MARCHF1: variants seen among roughly 807,000 people sequenced by gnomAD.
The protein encoded by MARCHF1 is membrane associated ring-CH-type finger 1.
A neutral mutation model predicts 54.2 loss-of-function variants in MARCHF1; 40 were observed. That is an observed-to-expected ratio of 0.74 (90% CI 0.57 to 0.96). The LOEUF is 0.96. MARCHF1 is among the 40% of genes least tolerant of loss of function. The pLI is 0.00. For synonymous variants in MARCHF1, 236 were observed against 236.3 expected (o/e 1.00, Z 0.01); for missense variants, 586 against 656.5 (o/e 0.89, Z 1.17).
At chr4:163,852,831 T>A in intron 4 of MARCHF1, among the ~76,000 whole-genome samples, 1 of 152,180 alleles carries the variant, frequency 6.6e-6, no homozygotes, top group East Asian at 1.9e-4. Context: ...CCAAAATTCA[T>A]GTCAAAATCC....
chr4:164,132,589 C>T (rs971059635), intron 1 of MARCHF1, among the ~76,000 whole-genome samples: 2 of 152,118 alleles, frequency 1.3e-5, no homozygotes, highest in African/African-American at 4.8e-5. Flanking sequence ...TTTAAGCGCA[C>T]ATTTTTCCCC....
At chr4:164,118,995 T>A (rs113899701) in intron 1 of MARCHF1, among the ~76,000 whole-genome samples, 11 of 137,910 alleles carry the variant, frequency 8.0e-5, no homozygotes, top group African/African-American at 2.1e-4. Context: ...GTGGGAAAAA[T>A]TTATTAAAAT....
intron 3 of MARCHF1, among the ~76,000 whole-genome samples, chr4:163,878,299 A>G (rs1295760453): frequency 1.3e-5 from 2 of 152,236 alleles, no homozygotes; most frequent in Non-Finnish European, 2.9e-5. Flanking sequence ...TATGATAAAA[A>G]GGATATTTGC....
chr4:164,154,058 G>T (rs930532175), intron 1 of MARCHF1, among the ~76,000 whole-genome samples: 2 of 152,010 alleles, frequency 1.3e-5, no homozygotes, highest in African/African-American at 4.8e-5. Flanking sequence ...CATATTTTGG[G>T]TTATATATGT....
At chr4:163,700,666 A>G in intron 5 of MARCHF1, 147 bp downstream of exon 5, 1 of 602,812 alleles carries the variant, frequency 1.7e-6, no homozygotes, top group Non-Finnish European at 2.9e-6. Context: ...TTCTTATTAC[A>G]GTAAAAGCTT....
intron 5 of MARCHF1, among the ~76,000 whole-genome samples, chr4:163,653,662 G>C (rs1296310970): frequency 6.6e-6 from 1 of 151,678 alleles, no homozygotes; most frequent in Non-Finnish European, 1.5e-5. Flanking sequence ...AGGAGAAAAA[G>C]AAAGGAAAGA....
rs1732065161 is a variant in MARCHF1 at position 164,220,493 on chromosome 4, C to T, written c.-322-108831G>A. On this transcript the variant is annotated intron_variant, in intron 1 of 9. Transcript: ENST00000514618. Reference sequence around the variant, plus strand: ...TATGGAATATATATGGGAGCATATACACATATGGGAATGGCATATATATGT... The same window carrying T: ...TATGGAATATATATGGGAGCATATATACATATGGGAATGGCATATATATGT... 4.8e-5 allele frequency among the ~76,000 whole-genome samples: 7 copies of T among 144,382 alleles called. No homozygotes were observed. In the South Asian group the frequency reaches 8.5e-4, roughly 18 times the overall value. The allele number at this position is 144,382 out of a possible 152,430, so 94.7% of individuals were successfully genotyped here. A position where few individuals can be genotyped will look rare whatever the true frequency, so the allele number is the denominator to read the frequency against.
chr4:163,537,064 C>A (rs1318756447), intron 9 of MARCHF1, among the ~76,000 whole-genome samples: 3 of 152,126 alleles, frequency 2.0e-5, no homozygotes, highest in Non-Finnish European at 2.9e-5. Context: ...TAACAGACAG[C>A]CAGCTCTTTT....
At chr4:164,173,617 G>A (rs924325802) in intron 1 of MARCHF1, among the ~76,000 whole-genome samples, 1 of 152,150 alleles carries the variant, frequency 6.6e-6, no homozygotes, top group Non-Finnish European at 1.5e-5. Context: ...TCACAGTAAT[G>A]TATGAGTTCT....
intron 1 of MARCHF1, among the ~76,000 whole-genome samples, chr4:164,125,651 A>G (rs1204343451): frequency 1.3e-5 from 2 of 152,196 alleles, no homozygotes; most frequent in Non-Finnish European, 2.9e-5. Flanking sequence ...TGGATCTGCT[A>G]TACCAGGGAT....
intron 4 of MARCHF1, among the ~76,000 whole-genome samples, chr4:163,740,176 A>C (rs543678255): frequency 2.6e-4 from 40 of 152,272 alleles, no homozygotes; most frequent in African/African-American, 7.9e-4. Flanking sequence ...ACCTATCTCC[A>C]TCCCCTGTCC....
intron 2 of MARCHF1, among the ~76,000 whole-genome samples, chr4:164,111,101 A>G (rs965374736): frequency 6.6e-6 from 1 of 151,888 alleles, no homozygotes; most frequent in Non-Finnish European, 1.5e-5. Flanking sequence ...CATATAGTGC[A>G]TATCTCATCA....
chr4:164,029,423 C>A (rs1468841752), intron 2 of MARCHF1, among the ~76,000 whole-genome samples: 1 of 151,950 alleles, frequency 6.6e-6, no homozygotes, highest in Non-Finnish European at 1.5e-5. Flanking sequence ...AAATCTGCCC[C>A]CATGATCCAA....
intron 5 of MARCHF1, among the ~76,000 whole-genome samples, chr4:163,697,902 T>C (rs1329876107): frequency 1.3e-5 from 2 of 152,212 alleles, no homozygotes; most frequent in African/African-American, 2.4e-5. Context: ...CTAGAAAACA[T>C]TGCATATATT....
intron 5 of MARCHF1, among the ~76,000 whole-genome samples, chr4:163,630,909 G>A (rs1038217965): frequency 6.6e-6 from 1 of 151,760 alleles, no homozygotes; most frequent in African/African-American, 2.4e-5. Flanking sequence ...AAAGAAGGAA[G>A]ATGAAAGAAT....
At chr4:164,166,416 T>A (rs1730383019) in intron 1 of MARCHF1, among the ~76,000 whole-genome samples, 1 of 152,046 alleles carries the variant, frequency 6.6e-6, no homozygotes, top group African/African-American at 2.4e-5. Context: ...TGAGGGTTTT[T>A]AGAAGACTTT....
At chr4:164,200,556 G>A (rs1490130167) in intron 1 of MARCHF1, among the ~76,000 whole-genome samples, 1 of 152,090 alleles carries the variant, frequency 6.6e-6, no homozygotes, top group Non-Finnish European at 1.5e-5. Flanking sequence ...CTAACACACA[G>A]ATCAAATGTT....
At chr4:163,838,631 A>C (rs1198576986) in intron 4 of MARCHF1, among the ~76,000 whole-genome samples, 1 of 152,112 alleles carries the variant, frequency 6.6e-6, no homozygotes, top group Non-Finnish European at 1.5e-5. Flanking sequence ...ACAAATGTAC[A>C]AGGGCCAAGA....
intron 3 of MARCHF1, among the ~76,000 whole-genome samples, chr4:163,980,891 T>C (rs181790598): frequency 2.6e-5 from 4 of 152,364 alleles, no homozygotes; most frequent in African/African-American, 4.8e-5. Context: ...AACTGTGCTA[T>C]AGATCTAAGT....
Sources: gnomAD v4.1 joint callset for allele counts (sites outside exome capture counted in the v4.1 genomes callset) on GRCh38, gnomAD v4.1.1 for gene constraint, MANE v1.5 for transcripts, NCBI Gene and HGNC (gene_info 2026-07-23, HGNC 2026-07-21) for gene names.